Variants in IMMP2L observed in about 807,000 individuals in gnomAD.
IMMP2L encodes the protein mitochondrial inner membrane protease subunit 2.
In IMMP2L, 18 loss-of-function variants were observed where a neutral mutation model predicts 19.3. The observed-to-expected ratio is 0.93, with a 90% CI of 0.64 to 1.38. IMMP2L has a LOEUF of 1.38. Ranked by LOEUF, IMMP2L falls within the 40% of genes most tolerant of loss-of-function variation. IMMP2L has a pLI of 0.00. For missense variants in IMMP2L, 233 were observed against 218.2 expected, an observed-to-expected ratio of 1.07 and a Z score of -0.43; for synonymous variants, 76 against 73.0, an observed-to-expected ratio of 1.04 and a Z score of -0.21.
At chr7:110,981,107 A>G (rs1176068492) in intron 3 of IMMP2L, among the ~76,000 whole-genome samples, 1 of 152,200 alleles carries the variant, frequency 6.6e-6, no homozygotes, top group Non-Finnish European at 1.5e-5. Flanking sequence ...AAATTCTTAA[A>G]AAATAGAAAA....
At chr7:110,821,236 T>C (rs58686650) in intron 5 of IMMP2L, among the ~76,000 whole-genome samples, 13,002 of 152,100 alleles carry the variant, frequency 0.085, 831 homozygotes, top group African/African-American at 0.18. Context: ...ATCAAAGAGA[T>C]AGTCAACGGC....
chr7:111,106,056 C>G (rs946069739), intron 3 of IMMP2L, among the ~76,000 whole-genome samples: 2 of 151,944 alleles, frequency 1.3e-5, no homozygotes, highest in African/African-American at 4.8e-5. Context: ...TGTAATATCA[C>G]AGTAACACAT....
intron 3 of IMMP2L, among the ~76,000 whole-genome samples, chr7:111,370,717 G>A (rs1023566622): frequency 6.6e-6 from 1 of 151,856 alleles, no homozygotes; most frequent in Non-Finnish European, 1.5e-5. Flanking sequence ...CAAAAAGGCA[G>A]CATGTTAACG....
rs1301084403 is a variant in IMMP2L, at chr7:111,123,607, G to T, written c.240-160042C>A. ...TCCTATTAATAGAATACGAAGGGGT[G>T]ATTTTAGCAATATGCTACACTTAAA... On this transcript the variant is annotated intron_variant, in intron 3 of 5. Coordinates refer to ENST00000405709, the MANE Select transcript of IMMP2L (RefSeq NM_032549.4). The surrounding 1 kb of genome is among the most constrained non-coding windows in gnomAD (Gnocchi z 6.4). The T allele has an allele frequency of 6.2e-7, 1 of 1,613,290 alleles. No individual in the cohort carries two copies. The highest frequency in any genetic ancestry group is 1.1e-5 in the South Asian group (1 of 91,042).
chr7:111,164,829 T>C (rs915347547), intron 3 of IMMP2L, among the ~76,000 whole-genome samples: 2 of 151,962 alleles, frequency 1.3e-5, no homozygotes, highest in Non-Finnish European at 1.5e-5. Context: ...TTAAAAAAAA[T>C]TTTTTTTGCT....
At chr7:110,759,095 T>C (rs1798201150) in intron 5 of IMMP2L, among the ~76,000 whole-genome samples, 2 of 152,230 alleles carry the variant, frequency 1.3e-5, no homozygotes, top group South Asian at 4.1e-4. Flanking sequence ...CTACTTGCCA[T>C]TATTTCCATG....
chr7:110,980,425 T>C (rs977316560), intron 3 of IMMP2L, among the ~76,000 whole-genome samples: 1 of 151,756 alleles, frequency 6.6e-6, no homozygotes, highest in African/African-American at 2.4e-5. Context: ...AGACGGGGTT[T>C]CACCGTGGTC....
intron 3 of IMMP2L, among the ~76,000 whole-genome samples, chr7:111,386,557 G>A (rs572005464): frequency 2.4e-4 from 37 of 152,250 alleles, no homozygotes; most frequent in African/African-American, 8.4e-4. Context: ...ATGAATGTAT[G>A]TGAGAGACAA....
chr7:111,161,479 T>A (rs1805255180), intron 3 of IMMP2L, among the ~76,000 whole-genome samples: 1 of 151,836 alleles, frequency 6.6e-6, no homozygotes, highest in Non-Finnish European at 1.5e-5. Flanking sequence ...TAAGAAAAAA[T>A]TATAATTATC....
At chr7:110,678,308 TTA>T (rs1792468560) in intron 5 of IMMP2L, among the ~76,000 whole-genome samples, 2 of 152,142 alleles carry the variant, frequency 1.3e-5, no homozygotes, top group South Asian at 4.1e-4. Context: ...GCTGGGGGTA[TTA>T]TGTTACATAT....
At chr7:111,143,033 T>C (rs560655361) in intron 3 of IMMP2L, among the ~76,000 whole-genome samples, 12 of 152,250 alleles carry the variant, frequency 7.9e-5, no homozygotes, top group Admixed American at 6.5e-4. Flanking sequence ...TCCTAACTTT[T>C]GTGTGTGCTC....
intron 3 of IMMP2L, among the ~76,000 whole-genome samples, chr7:111,069,390 A>C (rs554800657): frequency 6.6e-6 from 1 of 152,314 alleles, no homozygotes; most frequent in South Asian, 2.1e-4. Context: ...GTAATGAACT[A>C]ATCTATAACA....
intron 3 of IMMP2L, among the ~76,000 whole-genome samples, chr7:111,323,009 T>C (rs1824904721): frequency 6.6e-6 from 1 of 151,040 alleles, no homozygotes; most frequent in Non-Finnish European, 1.5e-5. Flanking sequence ...ATTTGCAAAC[T>C]CTTCACTGTA....
chr7:111,240,974 A>C (rs1814950083), intron 3 of IMMP2L, among the ~76,000 whole-genome samples: 1 of 151,924 alleles, frequency 6.6e-6, no homozygotes, highest in Non-Finnish European at 1.5e-5. Flanking sequence ...ATCTAAAACT[A>C]CAGGTGGTAC....
chr7:111,556,305 C>T (rs776565747), intron 1 of IMMP2L, among the ~76,000 whole-genome samples: 5 of 151,820 alleles, frequency 3.3e-5, no homozygotes, highest in Non-Finnish European at 7.4e-5. Context: ...ATTTTAGCTA[C>T]TCTTGTCATA....
intron 3 of IMMP2L, among the ~76,000 whole-genome samples, chr7:111,019,848 A>G (rs1826095774): frequency 6.6e-6 from 1 of 151,640 alleles, no homozygotes; most frequent in African/African-American, 2.4e-5. Flanking sequence ...CAACTCAATG[A>G]CCCTCCTTCC....
At chr7:110,754,504 C>G (rs1191676606) in intron 5 of IMMP2L, among the ~76,000 whole-genome samples, 1 of 152,038 alleles carries the variant, frequency 6.6e-6, no homozygotes, top group Non-Finnish European at 1.5e-5. Context: ...GTCCTCTCTT[C>G]TCTTCTTCCT....
At chr7:110,821,616 G>A (rs992809986) in intron 5 of IMMP2L, among the ~76,000 whole-genome samples, 1 of 151,808 alleles carries the variant, frequency 6.6e-6, no homozygotes, top group Non-Finnish European at 1.5e-5. Context: ...ATCCCTTATA[G>A]AAAAAGGAAA....
chr7:111,013,170 A>T (rs557985100), intron 3 of IMMP2L, among the ~76,000 whole-genome samples: 1 of 152,216 alleles, frequency 6.6e-6, no homozygotes, highest in East Asian at 1.9e-4. Context: ...CTGTTGTGGT[A>T]AACATGTGTG....
Sources: gnomAD v4.1 joint callset for allele counts (sites outside exome capture counted in the v4.1 genomes callset) on GRCh38, gnomAD v4.1.1 for gene constraint, Gnocchi (gnomAD v3.1) non-coding constraint, MANE v1.5 for transcripts, NCBI Gene and HGNC (gene_info 2026-07-23, HGNC 2026-07-21) for gene names.